Variants in DSTYK observed in about 807,000 individuals in gnomAD.
DSTYK encodes dual serine/threonine and tyrosine protein kinase.
DSTYK carries 34 observed loss-of-function variants against 98.7 expected under a neutral mutation model. That is an observed-to-expected ratio of 0.34 (90% CI 0.26 to 0.46). DSTYK has a LOEUF of 0.46. Among genes scored for constraint, DSTYK ranks in the 20% least tolerant of loss-of-function variants. DSTYK has a pLI of 1.00. For synonymous variants in DSTYK, 462 were observed against 457.3 expected, an observed-to-expected ratio of 1.01 and a Z score of -0.13; for missense variants, 962 against 1,181.7, an observed-to-expected ratio of 0.81 and a Z score of 2.73.
rs771263242 is a variant in DSTYK, at chr1:205,147,633, C to A, written c.2715G>T (p.Met905Ile). 9.3e-6 allele frequency: 15 copies of A among 1,614,152 alleles called. No homozygotes were observed. The highest frequency in any genetic ancestry group is 5.0e-5 in the Admixed American group (3 of 60,018). The change falls in exon 13 of 13, where the codon ATG becomes ATT. Residue 905 changes from methionine (M) to isoleucine (I), a missense_variant. Physicochemically the swap from Met to Ile is conservative, Grantham distance 10. This residue lies in a region of DSTYK where 65 missense variants were observed against 63.9 expected (regional missense o/e 1.02). Transcript: ENST00000367162. The part of the protein sequence containing the change: ...KRPLLGIVQP[M>I]LQGIMNRLCK... Reference sequence around the variant, plus strand: ...AGAGCCGATTCATGATGCCCTGGAGCATGGGCTGGACAATGCCCAAGAGAG... The same window carrying A: ...AGAGCCGATTCATGATGCCCTGGAGAATGGGCTGGACAATGCCCAAGAGAG...
At chr1:205,162,298 C>A (rs1657750456) in intron 5 of DSTYK, 86 bp from the exon 6 acceptor site, 2 of 1,491,506 alleles carry the variant, frequency 1.3e-6, no homozygotes, top group South Asian at 1.3e-5. Context: ...TTCTGGGTTA[C>A]CCATTCATTA....
intron 2 of DSTYK, among the ~76,000 whole-genome samples, chr1:205,184,673 C>G (rs1427321977): frequency 6.6e-6 from 1 of 152,096 alleles, no homozygotes; most frequent in African/African-American, 2.4e-5. Context: ...AAGTGTTGTA[C>G]AGTGCTACGA....
intron 10 of DSTYK, among the ~76,000 whole-genome samples, chr1:205,152,038 A>G (rs1013064366): frequency 1.3e-5 from 2 of 152,244 alleles, no homozygotes; most frequent in African/African-American, 4.8e-5. Flanking sequence ...CAAATATTAT[A>G]TACTGTACAT....
At chr1:205,166,290 A>G (rs1657887687) in intron 3 of DSTYK, among the ~76,000 whole-genome samples, 1 of 152,162 alleles carries the variant, frequency 6.6e-6, no homozygotes, top group Non-Finnish European at 1.5e-5. Flanking sequence ...AATAAATTTT[A>G]TAAAGTGTGA....
chr1:205,211,248 T>A, intron 1 of DSTYK, 23 bp downstream of exon 1: 1 of 1,581,652 alleles, frequency 6.3e-7, no homozygotes, highest in African/African-American at 1.4e-5. Flanking sequence ...CTGCCCTCTC[T>A]CCCTCCGGGC....
At chr1:205,175,230 T>C (rs1658194142) in intron 2 of DSTYK, among the ~76,000 whole-genome samples, 1 of 151,986 alleles carries the variant, frequency 6.6e-6, no homozygotes, top group African/African-American at 2.4e-5. Flanking sequence ...CCTCCCATGT[T>C]GCTGGGACTA....
chr1:205,153,328 C>A (rs1237181324), intron 10 of DSTYK, among the ~76,000 whole-genome samples: 2 of 152,158 alleles, frequency 1.3e-5, no homozygotes, highest in Non-Finnish European at 1.5e-5. Context: ...TCATGACCAT[C>A]TCACCATTTA....
chr1:205,146,058 G>C lies in DSTYK; in HGVS notation c.*1500C>G, dbSNP rs972395774. The C allele has an allele frequency of 1.3e-5, 2 of 152,126 alleles. No individual in the cohort carries two copies. The highest frequency in any genetic ancestry group is 2.4e-5 in the African/African-American group (1 of 41,424). The allele number at this position is 152,126 out of a possible 1,614,324, so 9.4% of individuals were successfully genotyped here. On this transcript the variant is annotated 3_prime_UTR_variant, in exon 13 of 13. Transcript: ENST00000367162. ...CACACAGGGGTGAGGGGCACACACA[G>C]AACTACCAGAGGAGGGTTTTTCTCT...
intron 3 of DSTYK, 122 bp from the exon 4 acceptor site, chr1:205,164,077 T>C: frequency 1.3e-6 from 1 of 781,046 alleles, no homozygotes; most frequent in Non-Finnish European, 2.1e-6. Context: ...CAAAAAGACA[T>C]GATTCGTTGA....
intron 2 of DSTYK, among the ~76,000 whole-genome samples, chr1:205,174,557 C>G (rs2102423111): frequency 6.7e-6 from 1 of 150,220 alleles, no homozygotes; most frequent in East Asian, 2.0e-4. Flanking sequence ...GTGGCATATG[C>G]CTGTAGTCTC....
intron 1 of DSTYK, among the ~76,000 whole-genome samples, chr1:205,199,205 A>G (rs1658955799): frequency 6.6e-6 from 1 of 152,188 alleles, no homozygotes; most frequent in Non-Finnish European, 1.5e-5. Context: ...ATGTTATAAT[A>G]AAGCCCAACT....
chr1:205,148,475 G>C (rs1044425683), intron 11 of DSTYK, 136 bp from the exon 12 acceptor site: 47 of 1,022,084 alleles, frequency 4.6e-5, no homozygotes, highest in Admixed American at 3.2e-4. Flanking sequence ...AACCCTGCCA[G>C]GTAGGCAGGG....
intron 10 of DSTYK, among the ~76,000 whole-genome samples, chr1:205,151,693 C>T (rs112135694): frequency 1.5e-3 from 71 of 46,878 alleles, no homozygotes; most frequent in East Asian, 6.1e-3. Context: ...TATAGGCTTT[C>T]TTTTTTTTTT....
At chr1:205,153,348 T>TA (rs1416849782) in intron 10 of DSTYK, among the ~76,000 whole-genome samples, 5 of 152,148 alleles carry the variant, frequency 3.3e-5, no homozygotes, top group African/African-American at 7.2e-5. Flanking sequence ...AAGGTACACT[T>TA]ACCCATCTCA....
chr1:205,144,130 G>C lies in DSTYK; in HGVS notation c.*3428C>G, dbSNP rs999802433. 12 of 152,314 alleles carry C rather than the reference G, an allele frequency of 7.9e-5. No homozygotes were observed. The highest frequency in any genetic ancestry group is 1.4e-4 in the African/African-American group (6 of 41,418). 9.4% of individuals were successfully genotyped at this position (152,314 alleles called of 1,614,324 possible). A position where few individuals can be genotyped will look rare whatever the true frequency, so the allele number is the denominator to read the frequency against. On this transcript the variant is annotated 3_prime_UTR_variant, in exon 13 of 13. Transcript: ENST00000367162. ...AGGGTCAGCCATTCCAGGGCCCCAG[G>C]CTCCACCATTTCTCCTGACTGCTCT...
intron 12 of DSTYK, among the ~76,000 whole-genome samples, chr1:205,147,989 A>G (rs1052298117): frequency 1.3e-5 from 2 of 152,172 alleles, no homozygotes; most frequent in African/African-American, 4.8e-5. Context: ...AGAATCGGAC[A>G]TTTTTTAAAA....
In DSTYK at chr1:205,211,639, C is replaced by A; in HGVS notation, c.-104G>T. ...AAGGGAGGAGGAATCCGCCTCCTGACGCCCCCGCCTGCAGTCAGCCTGGCT... is the reference window on the plus strand; with the variant it reads ...AAGGGAGGAGGAATCCGCCTCCTGAAGCCCCCGCCTGCAGTCAGCCTGGCT... On this transcript the variant is annotated 5_prime_UTR_variant, in exon 1 of 13. Transcript: ENST00000367162. 1 of 1,374,254 alleles carries A rather than the reference C, an allele frequency of 7.3e-7. No individual in the cohort carries two copies. The highest frequency in any genetic ancestry group is 9.4e-7 in the Non-Finnish European group (1 of 1,061,626). 85.1% of individuals were successfully genotyped at this position (1,374,254 alleles called of 1,614,324 possible). A position where few individuals can be genotyped will look rare whatever the true frequency, so the allele number is the denominator to read the frequency against.
intron 2 of DSTYK, among the ~76,000 whole-genome samples, chr1:205,174,234 G>A (rs1225775797): frequency 6.6e-6 from 1 of 151,884 alleles, no homozygotes; most frequent in Non-Finnish European, 1.5e-5. Context: ...CAAAAATTAG[G>A]CTGGGCAAGG....
intron 1 of DSTYK, among the ~76,000 whole-genome samples, chr1:205,204,783 CACT>C (rs1659152634): frequency 6.6e-6 from 1 of 152,178 alleles, no homozygotes; most frequent in African/African-American, 2.4e-5. Context: ...TCCTAGCAAC[CACT>C]AATCTACTTT....
Sources: allele counts gnomAD v4.1 joint callset (sites outside exome capture counted in the v4.1 genomes callset), GRCh38; gene constraint gnomAD v4.1.1; regional missense constraint gnomAD v4.1.1; transcripts MANE v1.5; gene names NCBI Gene and HGNC (gene_info 2026-07-23, HGNC 2026-07-21).